PDHX: variants seen among roughly 807,000 people sequenced by gnomAD.
PDHX encodes the protein pyruvate dehydrogenase complex component X, also known as pyruvate dehydrogenase protein X component, mitochondrial.
PDHX carries 33 observed loss-of-function variants against 55.3 expected under a neutral mutation model. That is an observed-to-expected ratio of 0.60 (90% CI 0.45 to 0.80). PDHX has a LOEUF of 0.80. Ranked by LOEUF, PDHX falls within the 30% of genes least tolerant of loss-of-function variation. PDHX has a pLI of 0.00. For missense variants in PDHX, 622 were observed against 619.9 expected (o/e 1.00, Z -0.04); for synonymous variants, 226 against 219.4 (o/e 1.03, Z -0.27).
chr11:34,928,561 A>G (rs1854081341), intron 1 of PDHX, among the ~76,000 whole-genome samples: 1 of 151,972 alleles, frequency 6.6e-6, no homozygotes, highest in Non-Finnish European at 1.5e-5. Context: ...TCTTTAAGCA[A>G]CTGTTTTTGA....
chr11:34,946,483 T>G (rs930704398), intron 2 of PDHX, among the ~76,000 whole-genome samples: 10 of 152,228 alleles, frequency 6.6e-5, no homozygotes, highest in Non-Finnish European at 1.5e-4. Flanking sequence ...AACTTTCTTG[T>G]GCAATTTACT....
intron 1 of PDHX, among the ~76,000 whole-genome samples, chr11:34,921,498 G>A (rs1371980697): frequency 6.6e-6 from 1 of 152,168 alleles, no homozygotes; most frequent in Non-Finnish European, 1.5e-5. Flanking sequence ...TGATTCTTTC[G>A]AAGGCTACGA....
chr11:34,932,814 T>C lies in PDHX; in HGVS notation c.241+1330T>C, dbSNP rs1053643166. 3.5e-4 allele frequency among the ~76,000 whole-genome samples: 53 copies of C among 152,208 alleles called. 1 individual carries two copies. The highest frequency in any genetic ancestry group is 2.6e-3 in the Admixed American group (39 of 15,282). The stretch of plus-strand genomic sequence containing the variant: ...CTAGGCTGTTTATCACAGCACTGTT[T>C]GAAATAGCAAAAGGTAGAAACAATC... On this transcript the variant is annotated intron_variant, in intron 2 of 10. Coordinates refer to ENST00000227868, the MANE Select transcript of PDHX (RefSeq NM_003477.3).
At chr11:34,946,448 C>G (rs1014849849) in intron 2 of PDHX, among the ~76,000 whole-genome samples, 1 of 152,090 alleles carries the variant, frequency 6.6e-6, no homozygotes, top group African/African-American at 2.4e-5. Flanking sequence ...GCTTTCTTAG[C>G]TTTTGATTTC....
upstream of PDHX, chr11:34,915,997 C>A (rs767540768): frequency 1.5e-5 from 9 of 598,222 alleles, no homozygotes; most frequent in Admixed American, 6.2e-5. Context: ...ACGTTTGGCG[C>A]CCAGCTCCCG....
chr11:34,919,291 G>A (rs1037952367), intron 1 of PDHX, among the ~76,000 whole-genome samples: 175 of 152,130 alleles, frequency 1.2e-3, no homozygotes, highest in African/African-American at 3.8e-3. Context: ...GTGAATTTAC[G>A]GTGGTGTTTT....
At chr11:34,964,802 CATAACTAATATTAGCT>C (rs1565162660) in intron 5 of PDHX, among the ~76,000 whole-genome samples, 5 of 149,088 alleles carry the variant, frequency 3.4e-5, no homozygotes, top group Non-Finnish European at 7.4e-5. Flanking sequence ...TAGCTATTAG[CATAACTAATATTAGCT>C]ATTAGCATAA....
chr11:34,943,680 C>G (rs1052168887), intron 2 of PDHX, among the ~76,000 whole-genome samples: 1 of 152,158 alleles, frequency 6.6e-6, no homozygotes, highest in African/African-American at 2.4e-5. Flanking sequence ...CCTAATCTCT[C>G]GTCACTTCTC....
intron 1 of PDHX, among the ~76,000 whole-genome samples, chr11:34,917,027 C>T (rs568004687): frequency 2.0e-3 from 298 of 152,200 alleles, no homozygotes; most frequent in African/African-American, 6.7e-3. Context: ...CTGCCCTAGG[C>T]CCCCTGGTTT....
At chr11:34,950,883 A>G (rs1449430998) in intron 3 of PDHX, among the ~76,000 whole-genome samples, 3 of 150,438 alleles carry the variant, frequency 2.0e-5, no homozygotes, top group Non-Finnish European at 3.0e-5. Flanking sequence ...TCCTTTGGGT[A>G]TATACCCAGT....
intron 1 of PDHX, among the ~76,000 whole-genome samples, chr11:34,924,116 C>A (rs1365826382): frequency 6.6e-6 from 1 of 152,224 alleles, no homozygotes; most frequent in Non-Finnish European, 1.5e-5. Flanking sequence ...TATTGTGATA[C>A]ATCTAGCCAG....
At position 34,944,308 on chromosome 11, in the gene PDHX, C is replaced by T. The variant is rs555807114; in HGVS notation, c.242-3198C>T. On this transcript the variant is annotated intron_variant, in intron 2 of 10. Transcript: ENST00000227868. ...CTAATTTTTGTATTTTTAGTAGGGA[C>T]GGGGTTTCACAATGTTGGCCAGGCT... Among the ~76,000 whole-genome samples the T allele has an allele frequency of 4.6e-5, 7 of 151,870 alleles. No individual in the cohort carries two copies. The South Asian group carries it at 8.3e-4, about 18-fold the overall frequency.
chr11:34,980,477 G>A (rs1005695604), intron 8 of PDHX, among the ~76,000 whole-genome samples: 2 of 148,628 alleles, frequency 1.3e-5, no homozygotes, highest in Admixed American at 6.8e-5. Context: ...AACTTTGACC[G>A]TGTCCCATAA....
intron 2 of PDHX, among the ~76,000 whole-genome samples, chr11:34,933,592 C>T (rs1490035579): frequency 6.6e-6 from 1 of 152,172 alleles, no homozygotes; most frequent in Non-Finnish European, 1.5e-5. Flanking sequence ...GCTCTTTCCC[C>T]TGGCAATGCC....
At chr11:34,934,870 C>T (rs1397603473) in intron 2 of PDHX, among the ~76,000 whole-genome samples, 1 of 151,674 alleles carries the variant, frequency 6.6e-6, no homozygotes, top group Admixed American at 6.6e-5. Flanking sequence ...TAAGCCACCG[C>T]ACCCAGCATA....
At chr11:34,933,773 G>A (rs1365663063) in intron 2 of PDHX, among the ~76,000 whole-genome samples, 1 of 152,102 alleles carries the variant, frequency 6.6e-6, no homozygotes, top group Admixed American at 6.5e-5. Flanking sequence ...AGAAAGCAAG[G>A]AAGCTGTCAG....
At chr11:34,916,910 A>T in intron 1 of PDHX, 95 bp downstream of exon 1, 1 of 1,208,056 alleles carries the variant, frequency 8.3e-7, no homozygotes, top group Non-Finnish European at 1.2e-6. Flanking sequence ...TTGGGTGTGA[A>T]GGTGCGCGGG....
intron 5 of PDHX, among the ~76,000 whole-genome samples, chr11:34,965,975 T>C (rs116967163): frequency 0.014 from 2,153 of 152,286 alleles, 24 homozygotes; most frequent in Non-Finnish European, 0.023. Context: ...GCTTAGCATA[T>C]TTAGTAATCT....
intron 5 of PDHX, among the ~76,000 whole-genome samples, chr11:34,966,079 C>CA (rs2133980225): frequency 6.6e-6 from 1 of 152,106 alleles, no homozygotes; most frequent in East Asian, 1.9e-4. Context: ...TAAAAGATAT[C>CA]ATAGGTTAGA....
Sources: gnomAD v4.1 joint callset for allele counts (sites outside exome capture counted in the v4.1 genomes callset) on GRCh38, gnomAD v4.1.1 for gene constraint, MANE v1.5 for transcripts, NCBI Gene and HGNC (gene_info 2026-07-23, HGNC 2026-07-21) for gene names.